The following LRRK2 variants were observed in gnomAD, a reference collection of about 807,000 sequenced individuals.
LRRK2 encodes the protein leucine rich repeat kinase 2, also known as leucine-rich repeat serine/threonine-protein kinase 2.
A neutral mutation model predicts 302.6 loss-of-function variants in LRRK2; 203 were observed. The ratio of observed to expected loss-of-function variants is 0.67; its 90% CI spans 0.60 to 0.75. LRRK2 has a LOEUF of 0.75. Ranked by LOEUF, LRRK2 falls within the 30% of genes least tolerant of loss-of-function variation. The pLI is 0.00. For missense variants in LRRK2, 2,830 were observed against 2,951.0 expected, an observed-to-expected ratio of 0.96 and a Z score of 0.95; for synonymous variants, 1,066 against 1,031.9, an observed-to-expected ratio of 1.03 and a Z score of -0.63.
intron 42 of LRRK2, among the ~76,000 whole-genome samples, chr12:40,347,586 C>A (rs1946229956): frequency 1.3e-5 from 2 of 152,156 alleles, no homozygotes; most frequent in Admixed American, 1.3e-4. Context: ...AAGATCATGG[C>A]AAAAGAAAAC....
intron 39 of LRRK2, among the ~76,000 whole-genome samples, chr12:40,330,836 G>A (rs765315122): frequency 1.3e-5 from 2 of 152,060 alleles, no homozygotes; most frequent in African/African-American, 2.4e-5. Flanking sequence ...TCTATAATTT[G>A]TGTTACTTAC....
At chr12:40,253,782 G>A (rs1942383247) in intron 11 of LRRK2, among the ~76,000 whole-genome samples, 1 of 152,176 alleles carries the variant, frequency 6.6e-6, no homozygotes, top group Middle Eastern at 3.2e-3. Flanking sequence ...CCAGTGGGAT[G>A]TTTCTGGAAC....
At chr12:40,331,448 A>AT (rs951216058) in intron 39 of LRRK2, among the ~76,000 whole-genome samples, 2 of 151,716 alleles carry the variant, frequency 1.3e-5, no homozygotes, top group Non-Finnish European at 2.9e-5. Context: ...GTGCTGCATT[A>AT]TTTTTTTTGC....
Position 40,249,962 on chromosome 12 carries a change from A to G in LRRK2, c.958+17A>G. On this transcript the variant is annotated intron_variant, in intron 8 of 50. Transcript: ENST00000298910. The stretch of plus-strand genomic sequence containing the variant: ...CCCTCCTCAGTAAGTAACTTCACTA[A>G]AAAGGGGATTCTTACAGAGGCATTT... The G allele has an allele frequency of 6.2e-7, 1 of 1,613,110 alleles. No individual in the cohort carries two copies. Among genetic ancestry groups the G allele is most frequent in the Non-Finnish European group, 8.5e-7 (1 of 1,179,432 alleles).
intron 2 of LRRK2, among the ~76,000 whole-genome samples, chr12:40,231,387 T>TCA (rs1373153198): frequency 1.1e-4 from 1 of 9,224 alleles, no homozygotes; most frequent in Non-Finnish European, 2.7e-4. Flanking sequence ...ACCCCTGTCT[T>TCA]CACAAAAAAA....
chr12:40,240,280 G>A (rs567533643), intron 5 of LRRK2, among the ~76,000 whole-genome samples: 4 of 152,198 alleles, frequency 2.6e-5, no homozygotes, highest in Admixed American at 6.5e-5. Flanking sequence ...AACATAGGCC[G>A]AAACAAAATT....
chr12:40,244,221 G>A (rs76645388), intron 7 of LRRK2, among the ~76,000 whole-genome samples: 91 of 152,102 alleles, frequency 6.0e-4, no homozygotes, highest in African/African-American at 2.1e-3. Context: ...ACATTTTCAT[G>A]TTTCTCTAAG....
rs368989621 is a variant in LRRK2 at position 40,295,575 on chromosome 12, T to G, written c.3027T>G (p.His1009Gln). 6.2e-7 allele frequency: 1 copy of G among 1,613,950 alleles called. No individual in the cohort carries two copies. The highest frequency in any genetic ancestry group is 1.3e-5 in the African/African-American group (1 of 74,928). Residue 1009 changes from histidine (H) to glutamine (Q), a missense_variant, in exon 23 of 51, where the codon CAT (histidine) becomes CAG (glutamine). Transcript: ENST00000298910. ...ALSQKCCISV[H>Q]LEHLEKLELH... is the part of the protein sequence containing the mutation. ...GCCAGAAATGCTGTATAAGTGTTCA[T>G]TTGGAGCATCTTGAAAAGCTGGAGC...
intron 41 of LRRK2, 82 bp from the exon 42 acceptor site, chr12:40,346,671 G>T: frequency 7.9e-7 from 1 of 1,260,564 alleles, no homozygotes; most frequent in East Asian, 2.4e-5. Context: ...CTCTTATTTG[G>T]CATATAGCCT....
rs772665033 is a variant in LRRK2, at chr12:40,274,676, G to A, written c.1750G>A (p.Gly584Ser). Reference sequence around the variant, plus strand: ...TGCATTAGAGATGTTATCCCTGGAAGGTGCTATGGATTCAGTGCTTCACAC... The same window carrying A: ...TGCATTAGAGATGTTATCCCTGGAAAGTGCTATGGATTCAGTGCTTCACAC... The part of the protein sequence containing the change: ...PDALEMLSLE[G>S]AMDSVLHTLQ... Residue 584 changes from glycine to serine, a missense_variant, in exon 15 of 51, where the codon GGT (glycine) becomes AGT (serine). Transcript: ENST00000298910. 3 of 1,613,878 alleles carry A rather than the reference G, an allele frequency of 1.9e-6. No individual in the cohort carries two copies. The highest frequency in any genetic ancestry group is 2.7e-5 in the African/African-American group (2 of 74,906).
At chr12:40,352,542 G>T (rs1946386679) in intron 44 of LRRK2, among the ~76,000 whole-genome samples, 1 of 146,160 alleles carries the variant, frequency 6.8e-6, no homozygotes, top group Admixed American at 7.1e-5. Flanking sequence ...GACAATAATG[G>T]AGGGAAGGTC....
rs1372018111 is a variant in LRRK2, at chr12:40,304,082, A to G, written c.3725A>G (p.Tyr1242Cys). Residue 1242 changes from tyrosine to cysteine, a missense_variant, in exon 27 of 51, where the codon TAT becomes TGT. This residue lies in a region of LRRK2 where 2,121 missense variants were observed against 2,148.0 expected (regional missense o/e 0.99). Coordinates refer to ENST00000298910, the MANE Select transcript of LRRK2 (RefSeq NM_198578.4). ...ISILDLSEKA[Y>C]LWSRVEKLHL... ...ATCTTGGACTTGAGTGAAAAAGCATATTTATGGTCTAGAGTAGAGAAACTG... is the reference window on the plus strand; with the variant it reads ...ATCTTGGACTTGAGTGAAAAAGCATGTTTATGGTCTAGAGTAGAGAAACTG... 2 of 1,613,594 alleles carry G rather than the reference A, an allele frequency of 1.2e-6. No homozygotes were observed. The highest frequency in any genetic ancestry group is 1.7e-6 in the Non-Finnish European group (2 of 1,179,740).
intron 45 of LRRK2, among the ~76,000 whole-genome samples, chr12:40,355,564 A>ATT (rs1946509255): frequency 1.6e-5 from 1 of 61,756 alleles, no homozygotes; most frequent in Non-Finnish European, 3.1e-5. Flanking sequence ...TTTTTTTTGA[A>ATT]GGAGTTTTGC....
Position 40,278,210 on chromosome 12 carries a change from A to G in LRRK2, c.2190A>G (p.Leu730=), listed in dbSNP as rs1199026687. ...NNSIMVECLL[L]LGADANQAKE... ...GCATCATGGTTGAATGCTTGCTTCT[A>G]TTGGGAGCAGATGCCAATCAAGCAA... The change falls in exon 18 of 51, where the codon CTA becomes CTG. Residue 730 remains leucine (L), a synonymous_variant. Coordinates refer to ENST00000298910, the MANE Select transcript of LRRK2 (RefSeq NM_198578.4). The G allele has an allele frequency of 3.1e-6, 5 of 1,614,158 alleles. No homozygotes were observed. Among genetic ancestry groups the G allele is most frequent in the African/African-American group, 1.3e-5 (1 of 75,066 alleles).
chr12:40,310,425 C>G lies in LRRK2; in HGVS notation c.4318-6C>G. On this transcript the variant is annotated splice_region_variant and splice_polypyrimidine_tract_variant and intron_variant, in intron 30 of 50. Coordinates refer to ENST00000298910, the MANE Select transcript of LRRK2 (RefSeq NM_198578.4). The stretch of plus-strand genomic sequence containing the variant: ...ACACAAGAGGGTTTTGTGTCTTTCC[C>G]TCCAGGCTCGCGCTTCTTCTTCCCC... 6.2e-7 allele frequency: 1 copy of G among 1,612,890 alleles called. No homozygotes were observed. Among genetic ancestry groups the G allele is most frequent in the Non-Finnish European group, 8.5e-7 (1 of 1,179,660 alleles).
chr12:40,322,425 G>A lies in LRRK2; in HGVS notation c.5424G>A (p.Leu1808=). The change falls in exon 37 of 51, where the codon TTG becomes TTA. Residue 1808 remains leucine (L), a synonymous_variant. Transcript: ENST00000298910. ...IDICGEGETL[L]KKWALYSFND... ...TTTGTGGTGAAGGAGAAACTCTGTTGAAGAAATGGGCATTATATAGTTTTA... is the reference window on the plus strand; with the variant it reads ...TTTGTGGTGAAGGAGAAACTCTGTTAAAGAAATGGGCATTATATAGTTTTA... The A allele has an allele frequency of 6.2e-7, 1 of 1,613,418 alleles. No homozygotes were observed.
In LRRK2 at chr12:40,352,734, C is replaced by G. The variant is rs552295602; in HGVS notation, c.6576+1001C>G. 6.0e-5 allele frequency among the ~76,000 whole-genome samples: 9 copies of G among 150,854 alleles called. No individual in the cohort carries two copies. The South Asian group carries it at 1.9e-3, about 32-fold the overall frequency. On this transcript the variant is annotated intron_variant, in intron 44 of 50. Transcript: ENST00000298910. ...TTGCACCGCCCTTAATCCATTTAAC[C>G]CTGAGTGGACACAGCACATGTTTCA...
At chr12:40,366,695 A>G (rs1309404760) in intron 49 of LRRK2, 2 of 312,530 alleles carry the variant, frequency 6.4e-6, no homozygotes, top group Non-Finnish European at 6.1e-6. Context: ...TTTCACACAC[A>G]TTACCTCGTT....
Position 40,310,545 on chromosome 12 carries a change from G to T in LRRK2, c.4432G>T (p.Gly1478Trp), listed in dbSNP as rs1210816502. The T allele has an allele frequency of 6.2e-7, 1 of 1,612,084 alleles. No homozygotes were observed. The highest frequency in any genetic ancestry group is 1.1e-5 in the South Asian group (1 of 90,918). Residue 1478 changes from glycine (G) to tryptophan (W), a missense_variant, in exon 31 of 51, where the codon GGG becomes TGG. By Grantham distance (184) the Gly-to-Trp change is radical. Transcript: ENST00000298910. Reference protein sequence around the residue: ...KITKELLNKRGFPAIRDYHFV... With the variant: ...KITKELLNKRWFPAIRDYHFV... Reference sequence around the variant, plus strand: ...CACCAAGGAACTCCTGAATAAGCGAGGGTTCCCTGCCATACGAGATTACCA... The same window carrying T: ...CACCAAGGAACTCCTGAATAAGCGATGGTTCCCTGCCATACGAGATTACCA...
Sources: gnomAD v4.1 joint callset for allele counts (sites outside exome capture counted in the v4.1 genomes callset) on GRCh38, gnomAD v4.1.1 for gene constraint, gnomAD v4.1.1 regional missense constraint, MANE v1.5 for transcripts, NCBI Gene and HGNC (gene_info 2026-07-23, HGNC 2026-07-21) for gene names.